The following EIF2S3 variants were observed in gnomAD, a reference collection of about 807,000 sequenced individuals.
EIF2S3 encodes the protein eukaryotic translation initiation factor 2 subunit 3.
A neutral mutation model predicts 31.7 loss-of-function variants in EIF2S3; 2 were observed. That is an observed-to-expected ratio of 0.06 (90% CI 0.03 to 0.20). The LOEUF (loss-of-function observed/expected upper bound fraction) is 0.20, where lower values mean the gene tolerates loss of function less well. EIF2S3 is among the 10% of genes least tolerant of loss of function. EIF2S3 has a pLI of 1.00. For synonymous variants in EIF2S3, 120 were observed against 126.7 expected (o/e 0.95, Z 0.36); for missense variants, 96 against 359.3 (o/e 0.27, Z 5.92).
In EIF2S3 at chrX:24,064,477, AT is replaced by A; in HGVS notation, c.772+144del. ...TTTTTGAAATCAATTCTGAGATTGT[AT>A]TGGCAGTGCTAGATTGTATTACTGA... On this transcript the variant is annotated intron_variant, in intron 7 of 11. Transcript: ENST00000253039. 6 of 781,923 alleles carry A rather than the reference AT, an allele frequency of 7.7e-6. No individual in the cohort carries two copies. The South Asian group carries it at 2.1e-4, about 27-fold the overall frequency. The allele number at this position is 781,923 out of a possible 1,213,427, so 64.4% of individuals were successfully genotyped here.
At chrX:24,062,363 C>G (rs1390088627) in intron 5 of EIF2S3, 53 bp from the exon 6 acceptor site, 1 of 1,143,545 alleles carries the variant, frequency 8.7e-7, no homozygotes, top group Non-Finnish European at 1.2e-6. Flanking sequence ...CCCGCCTATT[C>G]TGGATATTTC....
rs769512942 is a variant in EIF2S3 at position 24,071,519 on chromosome X, A to C, written c.1013-39A>C. On this transcript the variant is annotated intron_variant, in intron 9 of 11. Coordinates refer to ENST00000253039, the MANE Select transcript of EIF2S3 (RefSeq NM_001415.4). The stretch of plus-strand genomic sequence containing the variant: ...AATTCACTTTATAGGTGTTTTAGGA[A>C]ATAAAAAATTGAGCTATATACATCT... The C allele has an allele frequency of 2.6e-6, 3 of 1,172,090 alleles. No individual in the cohort carries two copies. The African/African-American group carries it at 5.4e-5, about 21-fold the overall frequency.
intron 1 of EIF2S3, 87 bp from the exon 2 acceptor site, chrX:24,055,528 T>G: frequency 1.1e-6 from 1 of 945,025 alleles, no homozygotes; most frequent in Non-Finnish European, 1.5e-6. Context: ...GTGCAGATGG[T>G]GGCAAGATGT....
intron 11 of EIF2S3, among the ~76,000 whole-genome samples, chrX:24,074,862 C>CTTTTTTTTTTTTTTTTTCTTTTTTT (rs1930727963): frequency 2.1e-5 from 1 of 47,470 alleles, no homozygotes; most frequent in Non-Finnish European, 3.5e-5. Context: ...TTTTCTTCTT[C>CTTTTTTTTTTTTTTTTTCTTTTTTT]TTTTTTTTTT....
At chrX:24,074,421 G>A (rs1316229462) in intron 11 of EIF2S3, among the ~76,000 whole-genome samples, 2 of 111,908 alleles carry the variant, frequency 1.8e-5, no homozygotes, top group African/African-American at 6.5e-5. Context: ...ATGTAGTCAA[G>A]ATGTTGTCCA....
chrX:24,074,398 G>A (rs191413461), intron 11 of EIF2S3, among the ~76,000 whole-genome samples: 137 of 111,977 alleles, frequency 1.2e-3, no homozygotes, highest in African/African-American at 4.1e-3. Flanking sequence ...CTTTGTTAAG[G>A]TTAGTTTTGA....
At position 24,078,252 on chromosome X, in the gene EIF2S3, C is replaced by T. The variant is rs1414332623; in HGVS notation, c.*1467C>T. On this transcript the variant is annotated 3_prime_UTR_variant, in exon 12 of 12. Transcript: ENST00000253039. ...TGTTGCCCAGGCTGGTCTTGAACTC[C>T]TAACCTCAGGTGATCCGCCCGCCTC... 9.0e-6 allele frequency among the ~76,000 whole-genome samples: 1 copy of T among 110,842 alleles called. No homozygotes were observed. The highest frequency in any genetic ancestry group is 3.8e-4 in the South Asian group (1 of 2,636).
rs1054279774 is a variant in EIF2S3, at chrX:24,064,466, T to G, written c.772+131T>G. 1.2e-5 allele frequency: 10 copies of G among 849,449 alleles called. No individual in the cohort carries two copies. In the Admixed American group the frequency reaches 2.2e-4, roughly 19 times the overall value. 70.0% of individuals were successfully genotyped at this position (849,449 alleles called of 1,213,427 possible). On this transcript the variant is annotated intron_variant, in intron 7 of 11. Coordinates refer to ENST00000253039, the MANE Select transcript of EIF2S3 (RefSeq NM_001415.4). Reference sequence around the variant, plus strand: ...TTCATACAATTTTTTTGAAATCAATTCTGAGATTGTATTGGCAGTGCTAGA... The same window carrying G: ...TTCATACAATTTTTTTGAAATCAATGCTGAGATTGTATTGGCAGTGCTAGA...
intron 11 of EIF2S3, among the ~76,000 whole-genome samples, chrX:24,073,903 AAC>A (rs1460673966): frequency 8.9e-6 from 1 of 112,244 alleles, no homozygotes; most frequent in Non-Finnish European, 1.9e-5. Flanking sequence ...TAGATTGACA[AAC>A]ACACATACAG....
chrX:24,060,036 A>G (rs759209358), intron 4 of EIF2S3, 52 bp from the exon 5 acceptor site: 1 of 915,148 alleles, frequency 1.1e-6, no homozygotes, highest in East Asian at 3.1e-5. Context: ...TAAAACTAGC[A>G]TGTGTAAGTA....
chrX:24,065,912 C>A, intron 7 of EIF2S3, 86 bp from the exon 8 acceptor site: 2 of 831,942 alleles, frequency 2.4e-6, no homozygotes, highest in Non-Finnish European at 3.4e-6. Context: ...CTCAAATGGC[C>A]ACTATTTTAG....
intron 8 of EIF2S3, among the ~76,000 whole-genome samples, chrX:24,066,305 C>T (rs1930572105): frequency 9.1e-6 from 1 of 109,505 alleles, no homozygotes; most frequent in South Asian, 3.8e-4. Flanking sequence ...CCTTCTAGAC[C>T]TCTGAATCCA....
At position 24,056,581 on chromosome X, in the gene EIF2S3, G is replaced by A. The variant is rs995092078; in HGVS notation, c.134-840G>A. Among the ~76,000 whole-genome samples the A allele has an allele frequency of 5.4e-5, 6 of 111,969 alleles. No individual in the cohort carries two copies. In the South Asian group the frequency reaches 1.1e-3, roughly 20 times the overall value. On this transcript the variant is annotated intron_variant, in intron 2 of 11. Transcript: ENST00000253039. ...TTCCTTAATATATAAAGTTCTGGCC[G>A]GGTGCAGTGGCTTATGCTTGTAATC...
At chrX:24,074,759 T>G (rs2147132074) in intron 11 of EIF2S3, among the ~76,000 whole-genome samples, 1 of 110,138 alleles carries the variant, frequency 9.1e-6, no homozygotes, top group East Asian at 2.8e-4. Flanking sequence ...CATCACTGTC[T>G]TCCTTTATTT....
intron 4 of EIF2S3, among the ~76,000 whole-genome samples, chrX:24,059,484 G>A (rs1426425567): frequency 9.3e-6 from 1 of 108,037 alleles, no homozygotes; most frequent in Non-Finnish European, 1.9e-5. Context: ...ATGCCATGGT[G>A]CTATCTTGGC....
chrX:24,055,562 G>A (rs1217813994), intron 1 of EIF2S3, 53 bp from the exon 2 acceptor site: 15 of 1,155,882 alleles, frequency 1.3e-5, no homozygotes, highest in Non-Finnish European at 1.4e-5. Context: ...AAAGTCAAAG[G>A]AAAAGTTCTC....
chrX:24,062,712 T>A, intron 6 of EIF2S3, 138 bp downstream of exon 6: 1 of 630,295 alleles, frequency 1.6e-6, no homozygotes, highest in Non-Finnish European at 2.3e-6. Context: ...TCGCCCTACC[T>A]TTTGCTTGTT....
chrX:24,062,287 A>G, intron 5 of EIF2S3, 129 bp from the exon 6 acceptor site: 1 of 647,186 alleles, frequency 1.5e-6, no homozygotes, highest in Non-Finnish European at 2.3e-6. Context: ...ATGAAGCGTC[A>G]GTCCACATGT....
At chrX:24,073,931 TAA>T (rs1453916187) in intron 11 of EIF2S3, among the ~76,000 whole-genome samples, 4 of 112,275 alleles carry the variant, frequency 3.6e-5, no homozygotes, top group Non-Finnish European at 5.6e-5. Context: ...TTTACATATA[TAA>T]GTTTTTTTCT....
Sources: gnomAD v4.1 joint callset for allele counts (sites outside exome capture counted in the v4.1 genomes callset) on GRCh38, gnomAD v4.1.1 for gene constraint, MANE v1.5 for transcripts, NCBI Gene and HGNC (gene_info 2026-07-23, HGNC 2026-07-21) for gene names.